Variants in LMX1A observed in about 807,000 individuals in gnomAD.
LMX1A encodes LIM homeobox transcription factor 1-alpha.
A neutral mutation model predicts 49.1 loss-of-function variants in LMX1A; 15 were observed. That is an observed-to-expected ratio of 0.31 (90% confidence interval 0.20 to 0.47). LMX1A has a LOEUF of 0.47. Among genes scored for constraint, LMX1A ranks in the 20% least tolerant of loss-of-function variants. The pLI is 1.00. For synonymous variants in LMX1A, 167 were observed against 185.7 expected, an observed-to-expected ratio of 0.90 and a Z score of 0.82; for missense variants, 372 against 475.8, an observed-to-expected ratio of 0.78 and a Z score of 2.03.
At chr1:165,247,054 C>CTTGTTTTTTTTTTTTTTTTTTTTTTTTT (rs1652875442) in intron 4 of LMX1A, among the ~76,000 whole-genome samples, 1 of 53,228 alleles carries the variant, frequency 1.9e-5, no homozygotes, top group Non-Finnish European at 3.3e-5. Context: ...TCAGCTTTTT[C>CTTGTTTTTTTTTTTTTTTTTTTTTTTTT]TTTTTTTTTT....
At chr1:165,235,690 G>A (rs1401138245) in intron 4 of LMX1A, among the ~76,000 whole-genome samples, 1 of 152,120 alleles carries the variant, frequency 6.6e-6, no homozygotes, top group Non-Finnish European at 1.5e-5. Context: ...CCCGCGCGGG[G>A]CTTTGCTCCG....
chr1:165,337,358 T>A (rs1018375191), intron 3 of LMX1A, among the ~76,000 whole-genome samples: 15 of 152,154 alleles, frequency 9.9e-5, no homozygotes, highest in Admixed American at 9.8e-4. Flanking sequence ...CAACTATGCA[T>A]GAAAAATGAT....
chr1:165,334,372 C>T (rs1655839097), intron 3 of LMX1A, among the ~76,000 whole-genome samples: 1 of 152,138 alleles, frequency 6.6e-6, no homozygotes, highest in South Asian at 2.1e-4. Context: ...AGTTTTAACT[C>T]ATCATCAGCT....
intron 4 of LMX1A, among the ~76,000 whole-genome samples, chr1:165,235,418 A>ACACACG: frequency 7.4e-6 from 1 of 134,788 alleles, no homozygotes; most frequent in African/African-American, 2.4e-5. Flanking sequence ...ACACACACAC[A>ACACACG]CACACTCACA....
In LMX1A at chr1:165,355,399, G is replaced by T; in HGVS notation, c.76+85C>A. On this transcript the variant is annotated intron_variant, in intron 2 of 8. Transcript: ENST00000342310. This position sits in a 1 kb window ranked among gnomAD's most constrained non-coding sequence, Gnocchi z 4.7. ...AGAGGGGCGCTAGCTTCCCTATCGC[G>T]GACCAGGTCCCAGAGAGCGGGGCTC... The T allele has an allele frequency of 7.5e-7, 1 of 1,335,682 alleles. No homozygotes were observed. Among genetic ancestry groups the T allele is most frequent in the Non-Finnish European group, 1.1e-6 (1 of 941,672 alleles). The allele number at this position is 1,335,682 out of a possible 1,614,324, so 82.7% of individuals were successfully genotyped here. A position where few individuals can be genotyped will look rare whatever the true frequency, so the allele number is the denominator to read the frequency against.
At chr1:165,297,365 T>C (rs986515085) in intron 3 of LMX1A, among the ~76,000 whole-genome samples, 4 of 152,224 alleles carry the variant, frequency 2.6e-5, no homozygotes, top group African/African-American at 9.6e-5. Context: ...GGCATTAGTA[T>C]TTTCTAAAGC....
chr1:165,346,557 G>C (rs1656250784), intron 3 of LMX1A, among the ~76,000 whole-genome samples: 1 of 151,472 alleles, frequency 6.6e-6, no homozygotes, highest in Non-Finnish European at 1.5e-5. Flanking sequence ...CACCGAGGTA[G>C]GCTTTCAAAA....
chr1:165,305,737 T>C (rs904343049), intron 3 of LMX1A, among the ~76,000 whole-genome samples: 1 of 152,182 alleles, frequency 6.6e-6, no homozygotes, highest in Admixed American at 6.5e-5. Flanking sequence ...TTTTTATCTT[T>C]ATTATTGGTC....
chr1:165,239,962 G>A (rs979146775), intron 4 of LMX1A, among the ~76,000 whole-genome samples: 1 of 152,202 alleles, frequency 6.6e-6, no homozygotes, highest in Non-Finnish European at 1.5e-5. Flanking sequence ...ATTCCAAAAC[G>A]TGGGAATAGG....
chr1:165,302,468 A>C (rs1484263121), intron 3 of LMX1A, among the ~76,000 whole-genome samples: 1 of 152,114 alleles, frequency 6.6e-6, no homozygotes, highest in Non-Finnish European at 1.5e-5. Flanking sequence ...AATAAAGGAA[A>C]AAAAAGAAAG....
At chr1:165,293,862 C>T (rs1233371812) in intron 3 of LMX1A, among the ~76,000 whole-genome samples, 1 of 152,204 alleles carries the variant, frequency 6.6e-6, no homozygotes, top group Non-Finnish European at 1.5e-5. Flanking sequence ...CCAAAGCCTC[C>T]ACCTCCTAAT....
intron 4 of LMX1A, among the ~76,000 whole-genome samples, chr1:165,220,628 G>C (rs910524081): frequency 6.6e-6 from 1 of 152,246 alleles, no homozygotes; most frequent in Non-Finnish European, 1.5e-5. Flanking sequence ...ACCAGGCCCA[G>C]AGGCACCCCT....
At chr1:165,294,691 C>T (rs1263148604) in intron 3 of LMX1A, among the ~76,000 whole-genome samples, 1 of 152,214 alleles carries the variant, frequency 6.6e-6, no homozygotes, top group African/African-American at 2.4e-5. Context: ...GGGCTGGGCA[C>T]GGTGGCTCAT....
intron 4 of LMX1A, among the ~76,000 whole-genome samples, chr1:165,238,550 A>G (rs1341949766): frequency 1.3e-5 from 1 of 79,948 alleles, no homozygotes; most frequent in Non-Finnish European, 2.4e-5. Context: ...ATTAATGATT[A>G]GGGAGGAACT....
chr1:165,311,347 A>G (rs1655070624), intron 3 of LMX1A, among the ~76,000 whole-genome samples: 1 of 152,208 alleles, frequency 6.6e-6, no homozygotes, highest in Non-Finnish European at 1.5e-5. Context: ...TCCCAGCTTT[A>G]TGTGGGTTTG....
intron 3 of LMX1A, among the ~76,000 whole-genome samples, chr1:165,344,990 T>G (rs1656193667): frequency 6.6e-6 from 1 of 152,200 alleles, no homozygotes. Flanking sequence ...CGGACCCTCC[T>G]GCAGAGACAG....
chr1:165,292,081 A>C (rs1356571866), intron 3 of LMX1A, among the ~76,000 whole-genome samples: 13 of 151,622 alleles, frequency 8.6e-5, no homozygotes, highest in Admixed American at 5.3e-4. Flanking sequence ...AAAAAAAAAA[A>C]AAAACAATAT....
rs563809093 is a variant in LMX1A at position 165,251,098 on chromosome 1, T to C, written c.264-1458A>G. 3.4e-5 allele frequency among the ~76,000 whole-genome samples: 5 copies of C among 145,978 alleles called. No individual in the cohort carries two copies. The South Asian group carries it at 9.2e-4, about 27-fold the overall frequency. ...TATTGAATGGCTTTTTTTTTTTTTT[T>C]CTGAGACAGAGTCTCACTTTGTCGC... is the stretch of plus-strand genomic sequence containing the variant. On this transcript the variant is annotated intron_variant, in intron 3 of 8. Transcript: ENST00000342310.
chr1:165,204,694 C>A (rs1343341643), intron 8 of LMX1A, among the ~76,000 whole-genome samples: 2 of 152,200 alleles, frequency 1.3e-5, no homozygotes, highest in Non-Finnish European at 2.9e-5. Context: ...GTTTATACAA[C>A]TTGTCATGGG....
Sources: gnomAD v4.1 joint callset for allele counts (sites outside exome capture counted in the v4.1 genomes callset) on GRCh38, gnomAD v4.1.1 for gene constraint, Gnocchi (gnomAD v3.1) non-coding constraint, MANE v1.5 for transcripts, NCBI Gene and HGNC (gene_info 2026-07-23, HGNC 2026-07-21) for gene names.